The following TNFAIP8L2 variants were observed in gnomAD, a reference collection of about 807,000 sequenced individuals.
TNFAIP8L2 encodes the protein TNF alpha induced protein 8 like 2.
Under a neutral mutation model 5.6 loss-of-function variants are expected in TNFAIP8L2, and 2 were observed. The observed-to-expected ratio is 0.36, with a 90% CI of 0.15 to 1.13. TNFAIP8L2 has a LOEUF of 1.13. TNFAIP8L2 is among the 50% of genes most tolerant of loss of function. The pLI, the probability that TNFAIP8L2 is intolerant of heterozygous loss-of-function variation, is 0.40. For missense variants in TNFAIP8L2, 216 were observed against 241.8 expected, an observed-to-expected ratio of 0.89 and a Z score of 0.71; for synonymous variants, 91 against 101.1, an observed-to-expected ratio of 0.90 and a Z score of 0.60.
At chr1:151,156,990 G>C (rs773788930) in intron 1 of TNFAIP8L2, among the ~76,000 whole-genome samples, 8 of 152,110 alleles carry the variant, frequency 5.3e-5, no homozygotes, top group Non-Finnish European at 1.2e-4. Context: ...TAGGAAACAA[G>C]GAGATAGATG....
rs1683352904 is a variant in TNFAIP8L2, at chr1:151,159,354, A to G, written c.*102A>G. ...GCTCACCTGGCACTAACACTTTTCA[A>G]TCTTCAGGCTTCATTCCTTCCCAAG... On this transcript the variant is annotated 3_prime_UTR_variant, in exon 2 of 2. Coordinates refer to ENST00000368910, the MANE Select transcript of TNFAIP8L2 (RefSeq NM_024575.5). 8.2e-7 allele frequency: 1 copy of G among 1,216,940 alleles called. No homozygotes were observed. Among genetic ancestry groups the G allele is most frequent in the Non-Finnish European group, 1.1e-6 (1 of 879,106 alleles). The allele number at this position is 1,216,940 out of a possible 1,614,324, so 75.4% of individuals were successfully genotyped here.
chr1:151,158,643 G>GA, intron 1 of TNFAIP8L2, 23 bp from the exon 2 acceptor site: 1 of 1,424,304 alleles, frequency 7.0e-7, no homozygotes, highest in South Asian at 1.4e-5. Context: ...TCTTTCTAAG[G>GA]AAGCCTGTGG....
Position 151,159,093 on chromosome 1 carries a change from A to C in TNFAIP8L2, c.396A>C (p.Glu132Asp), listed in dbSNP as rs1683340600. The change falls in exon 2 of 2, where the codon GAA becomes GAC. Residue 132 changes from glutamate to aspartate, a missense_variant. Physicochemically the swap from Glu to Asp is conservative, Grantham distance 45 (BLOSUM62 2). Transcript: ENST00000368910. ...ECRDVLLELVEHHLTPKSHGR... is the reference protein window; with the variant it reads ...ECRDVLLELVDHHLTPKSHGR... Reference sequence around the variant, plus strand: ...GGGATGTGCTGCTAGAGTTGGTGGAACACCACCTCACGCCCAAGTCACATG... The same window carrying C: ...GGGATGTGCTGCTAGAGTTGGTGGACCACCACCTCACGCCCAAGTCACATG... 1 of 1,614,138 alleles carries C rather than the reference A, an allele frequency of 6.2e-7. No homozygotes were observed. Among genetic ancestry groups the C allele is most frequent in the Non-Finnish European group, 8.5e-7 (1 of 1,180,040 alleles).
In TNFAIP8L2 at chr1:151,158,962, C is replaced by T. The variant is rs750403186; in HGVS notation, c.265C>T (p.Arg89Cys). Residue 89 changes from arginine (R) to cysteine (C), a missense_variant, in exon 2 of 2, where the codon CGC (arginine) becomes TGC (cysteine). By Grantham distance (180) the Arg-to-Cys change is radical. Transcript: ENST00000368910. ...CCCCAGTGAGCTGGCCCTGGCTACCCGCTTTCGCCAGAAGCTGCGGCAGGG... is the reference window on the plus strand; with the variant it reads ...CCCCAGTGAGCTGGCCCTGGCTACCTGCTTTCGCCAGAAGCTGCGGCAGGG... Reference protein sequence around the residue: ...FGPSELALATRFRQKLRQGAM... With the variant: ...FGPSELALATCFRQKLRQGAM... 1.1e-5 allele frequency: 17 copies of T among 1,614,152 alleles called. No individual in the cohort carries two copies. Among genetic ancestry groups the T allele is most frequent in the Admixed American group, 3.3e-5 (2 of 60,010 alleles).
Position 151,158,654 on chromosome 1 carries a change from C to A in TNFAIP8L2, c.-32-12C>A. On this transcript the variant is annotated splice_polypyrimidine_tract_variant and intron_variant, in intron 1 of 1. Coordinates refer to ENST00000368910, the MANE Select transcript of TNFAIP8L2 (RefSeq NM_024575.5). Reference sequence around the variant, plus strand: ...TCTCTCTTTCTAAGGAAGCCTGTGGCCTTTCTTCTAGTGACTGACCACATA... The same window carrying A: ...TCTCTCTTTCTAAGGAAGCCTGTGGACTTTCTTCTAGTGACTGACCACATA... The A allele has an allele frequency of 2.8e-5, 42 of 1,475,628 alleles. No homozygotes were observed. The highest frequency in any genetic ancestry group is 3.8e-5 in the Non-Finnish European group (42 of 1,094,422). 91.4% of individuals were successfully genotyped at this position (1,475,628 alleles called of 1,614,324 possible).
chr1:151,158,856 G>C lies in TNFAIP8L2; in HGVS notation c.159G>C (p.Arg53=), dbSNP rs778893640. The C allele has an allele frequency of 6.2e-7, 1 of 1,614,204 alleles. No individual in the cohort carries two copies. Among genetic ancestry groups the C allele is most frequent in the Non-Finnish European group, 8.5e-7 (1 of 1,180,038 alleles). Residue 53 remains arginine (R), a synonymous_variant, in exon 2 of 2, where the codon CGG becomes CGC. Coordinates refer to ENST00000368910, the MANE Select transcript of TNFAIP8L2 (RefSeq NM_024575.5). The part of the protein sequence containing the change: ...YRVSKEYTHS[R]PQAQRVIKDL... ...TGTCCAAGGAGTACACGCACAGCCG[G>C]CCCCAGGCCCAGCGCGTGATCAAGG...
Position 151,158,940 on chromosome 1 carries a change from C to T in TNFAIP8L2, c.243C>T (p.Pro81=), listed in dbSNP as rs757137475. The change falls in exon 2 of 2, where the codon CCC becomes CCT. Residue 81 remains proline (P), a synonymous_variant. Transcript: ENST00000368910. ...TGCACCGCAATGGCTCCTTTGGCCC[C>T]AGTGAGCTGGCCCTGGCTACCCGCT... ...AVLHRNGSFG[P]SELALATRFR... The T allele has an allele frequency of 6.8e-6, 11 of 1,614,136 alleles. No individual in the cohort carries two copies. In the Admixed American group the frequency reaches 1.2e-4, roughly 17 times the overall value.
At position 151,159,433 on chromosome 1, in the gene TNFAIP8L2, C is replaced by A; in HGVS notation, c.*181C>A. ...CCCCAAACAGCTAGTGGAGAAGGAGCAATGCTGAGGGGTGAGGCCTCTCTC... is the reference window on the plus strand; with the variant it reads ...CCCCAAACAGCTAGTGGAGAAGGAGAAATGCTGAGGGGTGAGGCCTCTCTC... On this transcript the variant is annotated 3_prime_UTR_variant, in exon 2 of 2. Transcript: ENST00000368910. The A allele has an allele frequency of 1.6e-6, 1 of 642,548 alleles. No homozygotes were observed. Among genetic ancestry groups the A allele is most frequent in the Non-Finnish European group, 2.7e-6 (1 of 368,714 alleles). The allele number at this position is 642,548 out of a possible 1,614,324, so 39.8% of individuals were successfully genotyped here.
chr1:151,158,746 C>G lies in TNFAIP8L2; in HGVS notation c.49C>G (p.Leu17Val). 2 of 1,613,154 alleles carry G rather than the reference C, an allele frequency of 1.2e-6. No homozygotes were observed. Among genetic ancestry groups the G allele is most frequent in the Non-Finnish European group, 1.7e-6 (2 of 1,179,446 alleles). ...KSLALQAEKK[L>V]LSKMAGRSVA... is the part of the protein sequence containing the mutation. The stretch of plus-strand genomic sequence containing the variant: ...CCTGGCACTGCAAGCAGAGAAGAAG[C>G]TACTGAGTAAGATGGCGGGTCGCTC... Residue 17 changes from leucine to valine, a missense_variant, in exon 2 of 2, where the codon CTA (leucine) becomes GTA (valine). Coordinates refer to ENST00000368910, the MANE Select transcript of TNFAIP8L2 (RefSeq NM_024575.5).
Position 151,158,779 on chromosome 1 carries a change from C to T in TNFAIP8L2, c.82C>T (p.His28Tyr). ...TAAGATGGCGGGTCGCTCTGTGGCT[C>T]ATCTCTTCATAGATGAGACAAGCAG... ...LSKMAGRSVAHLFIDETSSEV... is the reference protein window; with the variant it reads ...LSKMAGRSVAYLFIDETSSEV... The change falls in exon 2 of 2, where the codon CAT (histidine) becomes TAT (tyrosine). Residue 28 changes from histidine (H) to tyrosine (Y), a missense_variant. By Grantham distance (83) the His-to-Tyr change is moderately conservative (BLOSUM62 2). Coordinates refer to ENST00000368910, the MANE Select transcript of TNFAIP8L2 (RefSeq NM_024575.5). 2 of 1,614,056 alleles carry T rather than the reference C, an allele frequency of 1.2e-6. No individual in the cohort carries two copies. Among genetic ancestry groups the T allele is most frequent in the South Asian group, 1.1e-5 (1 of 91,078 alleles).
At chr1:151,158,073 C>G (rs587632546) in intron 1 of TNFAIP8L2, among the ~76,000 whole-genome samples, 4 of 152,246 alleles carry the variant, frequency 2.6e-5, no homozygotes, top group African/African-American at 9.6e-5. Context: ...GCCTGTATTC[C>G]CGGCACTTTG....
intron 1 of TNFAIP8L2, among the ~76,000 whole-genome samples, chr1:151,158,339 A>G (rs1486116546): frequency 2.0e-5 from 3 of 149,880 alleles, no homozygotes; most frequent in Non-Finnish European, 3.0e-5. Flanking sequence ...AAAAAAAAAA[A>G]GAATTATCTG....
chr1:151,157,369 G>A (rs1016443279), intron 1 of TNFAIP8L2, among the ~76,000 whole-genome samples: 2 of 152,186 alleles, frequency 1.3e-5, no homozygotes, highest in African/African-American at 2.4e-5. Context: ...TCCTCACTGC[G>A]GTCACAGCCA....
In TNFAIP8L2 at chr1:151,158,896, G is replaced by A. The variant is rs1365077768; in HGVS notation, c.199G>A (p.Ala67Thr). The change falls in exon 2 of 2, where the codon GCC (alanine) becomes ACC (threonine). Residue 67 changes from alanine (A) to threonine (T), a missense_variant. Coordinates refer to ENST00000368910, the MANE Select transcript of TNFAIP8L2 (RefSeq NM_024575.5). ...CGTGATCAAGGACCTGATCAAAGTGGCCATCAAGGTGGCTGTGCTGCACCG... is the reference window on the plus strand; with the variant it reads ...CGTGATCAAGGACCTGATCAAAGTGACCATCAAGGTGGCTGTGCTGCACCG... ...QRVIKDLIKV[A>T]IKVAVLHRNG... 3 of 1,614,208 alleles carry A rather than the reference G, an allele frequency of 1.9e-6. No homozygotes were observed. Among genetic ancestry groups the A allele is most frequent in the Non-Finnish European group, 2.5e-6 (3 of 1,180,028 alleles).
intron 1 of TNFAIP8L2, among the ~76,000 whole-genome samples, 157 bp downstream of exon 1, chr1:151,156,879 G>A (rs923518002): frequency 6.6e-6 from 1 of 152,186 alleles, no homozygotes; most frequent in African/African-American, 2.4e-5. Context: ...TGGTGGCAAG[G>A]CAGCCTCTGA....
Position 151,158,672 on chromosome 1 carries a change from A to G in TNFAIP8L2, c.-26A>G. On this transcript the variant is annotated 5_prime_UTR_variant, in exon 2 of 2. Transcript: ENST00000368910. The stretch of plus-strand genomic sequence containing the variant: ...CCTGTGGCCTTTCTTCTAGTGACTG[A>G]CCACATACCCCACTCTCCAGGACCC... The G allele has an allele frequency of 1.3e-6, 2 of 1,538,970 alleles. No homozygotes were observed. The highest frequency in any genetic ancestry group is 1.8e-6 in the Non-Finnish European group (2 of 1,141,178).
chr1:151,158,452 G>T (rs1259813641), intron 1 of TNFAIP8L2, among the ~76,000 whole-genome samples: 1 of 152,122 alleles, frequency 6.6e-6, no homozygotes, highest in African/African-American at 2.4e-5. Flanking sequence ...CTCCAGCCGG[G>T]GCTATCGCCA....
In TNFAIP8L2 at chr1:151,159,582, G is replaced by A. The variant is rs1683360504; in HGVS notation, c.*330G>A. 6.8e-6 allele frequency: 2 copies of A among 294,536 alleles called. No individual in the cohort carries two copies. The highest frequency in any genetic ancestry group is 4.4e-5 in the African/African-American group (2 of 45,952). The allele number at this position is 294,536 out of a possible 1,614,324, so 18.2% of individuals were successfully genotyped here. A position where few individuals can be genotyped will look rare whatever the true frequency, so the allele number is the denominator to read the frequency against. On this transcript the variant is annotated 3_prime_UTR_variant, in exon 2 of 2. Transcript: ENST00000368910. ...CCCCCTCCCATGTGAACCAAGGAAA[G>A]GAGGCACAGCCCAGAGAACCCCTTT...
rs1683355562 is a variant in TNFAIP8L2, at chr1:151,159,410, CCAAA to C, written c.*161_*164del. On this transcript the variant is annotated 3_prime_UTR_variant, in exon 2 of 2. Coordinates refer to ENST00000368910, the MANE Select transcript of TNFAIP8L2 (RefSeq NM_024575.5). ...TTTTGACTCTGAGACCAGCCCACCCCCAAACAGCTAGTGGAGAAGGAGCAATGCT... is the reference window on the plus strand; with the variant it reads ...TTTTGACTCTGAGACCAGCCCACCCCCAGCTAGTGGAGAAGGAGCAATGCT... 4 of 746,200 alleles carry C rather than the reference CCAAA, an allele frequency of 5.4e-6. No homozygotes were observed. Among genetic ancestry groups the C allele is most frequent in the Non-Finnish European group, 8.7e-6 (4 of 459,142 alleles). 46.2% of individuals were successfully genotyped at this position (746,200 alleles called of 1,614,324 possible).
Sources: allele counts gnomAD v4.1 joint callset (sites outside exome capture counted in the v4.1 genomes callset), GRCh38; gene constraint gnomAD v4.1.1; transcripts MANE v1.5; gene names NCBI Gene and HGNC (gene_info 2026-07-23, HGNC 2026-07-21).